FBXL13: variants seen among roughly 807,000 people sequenced by gnomAD.
FBXL13 encodes F-box and leucine rich repeat protein 13, also known as F-box and leucine-rich repeat protein 13.
In FBXL13, 67 loss-of-function variants were observed where a neutral mutation model predicts 83.6. The ratio of observed to expected loss-of-function variants is 0.80; its 90% CI spans 0.66 to 0.98. The LOEUF (loss-of-function observed/expected upper bound fraction) is 0.98. Ranked by LOEUF, FBXL13 falls within the 50% of genes least tolerant of loss-of-function variation. The pLI is 0.00. For missense variants in FBXL13, 822 were observed against 866.5 expected (o/e 0.95, Z 0.64); for synonymous variants, 272 against 299.5 (o/e 0.91, Z 0.95).
intron 5 of FBXL13, among the ~76,000 whole-genome samples, chr7:103,026,462 A>G (rs1211979322): frequency 6.6e-6 from 1 of 152,218 alleles, no homozygotes; most frequent in East Asian, 1.9e-4. Flanking sequence ...GCAGTGAATG[A>G]GCAGACTAAC....
intron 6 of FBXL13, among the ~76,000 whole-genome samples, chr7:103,006,434 G>T (rs1790998224): frequency 6.6e-6 from 1 of 152,160 alleles, no homozygotes; most frequent in Non-Finnish European, 1.5e-5. Context: ...AAATTTATAA[G>T]TTAAAACAAA....
chr7:102,970,789 A>T (rs535629222), intron 6 of FBXL13, among the ~76,000 whole-genome samples: 29 of 152,362 alleles, frequency 1.9e-4, no homozygotes, highest in African/African-American at 6.7e-4. Context: ...TTAAAAATAT[A>T]GTTATTGAAA....
At chr7:103,028,179 G>T (rs1430622386) in intron 4 of FBXL13, among the ~76,000 whole-genome samples, 2 of 152,130 alleles carry the variant, frequency 1.3e-5, no homozygotes, top group Non-Finnish European at 2.9e-5. Context: ...AACCCCCAAG[G>T]TCTTAAGAGA....
chr7:103,033,205 TGAAA>T (rs1204594989), intron 2 of FBXL13, among the ~76,000 whole-genome samples: 3 of 152,296 alleles, frequency 2.0e-5, no homozygotes, highest in South Asian at 2.1e-4. Context: ...TCCTATGCTC[TGAAA>T]GAAAGACAAG....
intron 8 of FBXL13, chr7:102,939,337 A>T: frequency 9.1e-7 from 1 of 1,100,254 alleles, no homozygotes; most frequent in Non-Finnish European, 1.3e-6. Flanking sequence ...CCTTCTCTTT[A>T]AGAGCTGATT....
At chr7:102,861,618 G>A (rs1806845293) in intron 16 of FBXL13, among the ~76,000 whole-genome samples, 1 of 152,146 alleles carries the variant, frequency 6.6e-6, no homozygotes, top group Non-Finnish European at 1.5e-5. Flanking sequence ...AGAATATTCT[G>A]CAAACATGAG....
At chr7:103,054,829 G>A (rs1797183045) in intron 2 of FBXL13, among the ~76,000 whole-genome samples, 1 of 152,132 alleles carries the variant, frequency 6.6e-6, no homozygotes, top group South Asian at 2.1e-4. Context: ...AAAGAGGAAA[G>A]GGGGAAAACT....
At chr7:103,063,820 G>T (rs935950367) in intron 1 of FBXL13, among the ~76,000 whole-genome samples, 1 of 148,616 alleles carries the variant, frequency 6.7e-6, no homozygotes, top group Non-Finnish European at 1.5e-5. Context: ...CTGCCAAAGT[G>T]CTGGAATTAC....
At chr7:103,038,429 G>A (rs1400373578) in intron 2 of FBXL13, among the ~76,000 whole-genome samples, 3 of 152,220 alleles carry the variant, frequency 2.0e-5, no homozygotes, top group Non-Finnish European at 4.4e-5. Flanking sequence ...AGACTTAAAC[G>A]TCCCTGTCTG....
chr7:102,852,719 A>G (rs1286612563), intron 17 of FBXL13, among the ~76,000 whole-genome samples: 1 of 152,218 alleles, frequency 6.6e-6, no homozygotes, highest in East Asian at 1.9e-4. Flanking sequence ...GTGAAAAGGG[A>G]ACACTTCTGC....
chr7:103,074,731 A>T (rs1341814866), upstream of FBXL13: 3 of 1,289,832 alleles, frequency 2.3e-6, no homozygotes, highest in East Asian at 5.5e-5. Flanking sequence ...TCCTTGAAGT[A>T]GTTCTTCAGC....
chr7:102,912,677 C>CT (rs920682270), intron 11 of FBXL13, among the ~76,000 whole-genome samples: 3 of 136,102 alleles, frequency 2.2e-5, no homozygotes, highest in Non-Finnish European at 4.8e-5. Context: ...TTTTACCCCC[C>CT]CCCCCCCAAA....
intron 11 of FBXL13, among the ~76,000 whole-genome samples, chr7:102,895,709 A>G (rs1812169061): frequency 6.6e-6 from 1 of 152,210 alleles, no homozygotes; most frequent in South Asian, 2.1e-4. Context: ...TTACACATAA[A>G]CAGAGCAGAG....
intron 14 of FBXL13, 125 bp downstream of exon 15, chr7:102,883,180 T>A: frequency 1.1e-6 from 1 of 935,650 alleles, no homozygotes. Context: ...TGCACTTACC[T>A]CTACTTTAAC....
intron 2 of FBXL13, 119 bp downstream of exon 3, chr7:103,054,969 G>A (rs999250236): frequency 3.9e-5 from 18 of 464,894 alleles, no homozygotes; most frequent in South Asian, 3.2e-4. Context: ...CACTTTTCTC[G>A]GTGCCCCCAA....
intron 6 of FBXL13, among the ~76,000 whole-genome samples, chr7:102,983,954 T>C (rs1469849514): frequency 6.6e-6 from 1 of 152,172 alleles, no homozygotes; most frequent in Non-Finnish European, 1.5e-5. Context: ...GAGCTCCTTC[T>C]TTTCTTTCAA....
At chr7:102,932,414 A>G (rs1819353777) in intron 8 of FBXL13, among the ~76,000 whole-genome samples, 1 of 152,176 alleles carries the variant, frequency 6.6e-6, no homozygotes, top group Non-Finnish European at 1.5e-5. Flanking sequence ...CCACCCACTC[A>G]TTCATCTCTA....
chr7:102,840,793 C>T (rs1055584243), intron 17 of FBXL13, among the ~76,000 whole-genome samples: 3 of 152,136 alleles, frequency 2.0e-5, no homozygotes, highest in African/African-American at 7.2e-5. Flanking sequence ...CATGTTACCT[C>T]AAGTTTCTTC....
chr7:103,052,756 CTTTT>C (rs67278019), intron 2 of FBXL13, among the ~76,000 whole-genome samples: 1 of 134,280 alleles, frequency 7.4e-6, no homozygotes, highest in Non-Finnish European at 1.6e-5. Flanking sequence ...AATTCCTTTT[CTTTT>C]TTTTTTTTTT....
Sources: gnomAD v4.1 joint callset for allele counts (sites outside exome capture counted in the v4.1 genomes callset) on GRCh38, gnomAD v4.1.1 for gene constraint, MANE v1.5 for transcripts, NCBI Gene and HGNC (gene_info 2026-07-23, HGNC 2026-07-21) for gene names.